Variants in ME1 observed in about 807,000 individuals in gnomAD.
The protein encoded by ME1 is malic enzyme 1, also known as NADP-dependent malic enzyme.
Under a neutral mutation model 66.4 loss-of-function variants are expected in ME1, and 74 were observed. The ratio of observed to expected loss-of-function variants is 1.11; its 90% CI spans 0.92 to 1.35. The LOEUF is 1.35. ME1 is among the 40% of genes most tolerant of loss of function. ME1 has a pLI of 0.00. For synonymous variants in ME1, 251 were observed against 235.6 expected, an observed-to-expected ratio of 1.07 and a Z score of -0.60; for missense variants, 750 against 694.1, an observed-to-expected ratio of 1.08 and a Z score of -0.90.
intron 11 of ME1, among the ~76,000 whole-genome samples, chr6:83,225,692 C>A (rs943229039): frequency 3.3e-5 from 5 of 151,702 alleles, no homozygotes; most frequent in Non-Finnish European, 7.4e-5. Context: ...AGTCTGATAC[C>A]TTAAGCTCTT....
At chr6:83,404,464 G>A (rs9449618) in intron 2 of ME1, among the ~76,000 whole-genome samples, 139 of 152,196 alleles carry the variant, frequency 9.1e-4, no homozygotes, top group African/African-American at 3.2e-3. Flanking sequence ...TGTTCACTCC[G>A]ATGATAGTTT....
At chr6:83,411,575 T>A (rs6935296) in intron 1 of ME1, among the ~76,000 whole-genome samples, 48,223 of 152,060 alleles carry the variant, frequency 0.32, 8,014 homozygotes, top group Middle Eastern at 0.49. Flanking sequence ...TAGAAATTTA[T>A]AAACAGGTCA....
At chr6:83,343,993 A>T (rs1768638483) in intron 5 of ME1, among the ~76,000 whole-genome samples, 1 of 151,982 alleles carries the variant, frequency 6.6e-6, no homozygotes, top group Admixed American at 6.6e-5. Context: ...AATCTCAATA[A>T]ATGGCCAAGG....
At chr6:83,228,740 T>C in intron 10 of ME1, 86 bp downstream of exon 10, 1 of 904,284 alleles carries the variant, frequency 1.1e-6, no homozygotes, top group Admixed American at 2.4e-5. Flanking sequence ...TCAAAAAGGC[T>C]AAATTATACC....
At chr6:83,423,890 C>A (rs1183125959) in intron 1 of ME1, among the ~76,000 whole-genome samples, 1 of 152,128 alleles carries the variant, frequency 6.6e-6, no homozygotes, top group Non-Finnish European at 1.5e-5. Context: ...GGGAGGATTT[C>A]TTGAGCCCAG....
chr6:83,379,574 A>G (rs1259980295), intron 3 of ME1, among the ~76,000 whole-genome samples: 1 of 152,074 alleles, frequency 6.6e-6, no homozygotes, highest in Non-Finnish European at 1.5e-5. Context: ...GTGTCTTAGA[A>G]ATATCTTCAT....
intron 6 of ME1, among the ~76,000 whole-genome samples, chr6:83,305,665 G>C (rs1450759219): frequency 6.6e-6 from 1 of 152,096 alleles, no homozygotes; most frequent in Non-Finnish European, 1.5e-5. Flanking sequence ...ATCAGGGCTT[G>C]AGGGCCATTA....
At chr6:83,289,391 G>A (rs1767457184) in intron 6 of ME1, among the ~76,000 whole-genome samples, 1 of 152,162 alleles carries the variant, frequency 6.6e-6, no homozygotes, top group Non-Finnish European at 1.5e-5. Flanking sequence ...GGCCTTTTCT[G>A]CATCTATTGA....
chr6:83,332,113 A>G (rs1193744346), intron 5 of ME1, among the ~76,000 whole-genome samples: 1 of 152,186 alleles, frequency 6.6e-6, no homozygotes. Context: ...ATGGACTGTG[A>G]AATAACAGAG....
At position 83,342,188 on chromosome 6, in the gene ME1, G is replaced by A. The variant is rs867989503; in HGVS notation, c.600+3985C>T. Among the ~76,000 whole-genome samples the A allele has an allele frequency of 5.9e-5, 9 of 152,286 alleles. No individual in the cohort carries two copies. In the South Asian group the frequency reaches 8.3e-4, roughly 14 times the overall value. On this transcript the variant is annotated intron_variant, in intron 5 of 13. Coordinates refer to ENST00000369705, the MANE Select transcript of ME1 (RefSeq NM_002395.6). ...AATTGGCCAATGGGAAACCTCTAGC[G>A]GGTATTTGGACCTTAGAAGATTCTG...
chr6:83,247,244 T>G (rs946604789), intron 7 of ME1, among the ~76,000 whole-genome samples: 7 of 152,132 alleles, frequency 4.6e-5, no homozygotes, highest in African/African-American at 2.4e-5. Context: ...TAGCTTATTT[T>G]AAATGACTAG....
intron 2 of ME1, among the ~76,000 whole-genome samples, chr6:83,403,613 G>A (rs1413711877): frequency 6.6e-6 from 1 of 151,988 alleles, no homozygotes; most frequent in African/African-American, 2.4e-5. Context: ...TTTAAGCCCT[G>A]CATGCATTAG....
chr6:83,370,539 A>G (rs991979475), intron 3 of ME1, among the ~76,000 whole-genome samples: 3 of 152,190 alleles, frequency 2.0e-5, no homozygotes, highest in African/African-American at 7.2e-5. Flanking sequence ...AAGCAACTGC[A>G]TAAGTACCAA....
At chr6:83,300,772 C>T (rs921146781) in intron 6 of ME1, among the ~76,000 whole-genome samples, 1 of 151,986 alleles carries the variant, frequency 6.6e-6, no homozygotes, top group African/African-American at 2.4e-5. Flanking sequence ...GCACTATTCA[C>T]AATAGCAAAG....
intron 10 of ME1, among the ~76,000 whole-genome samples, chr6:83,227,839 T>G (rs535038793): frequency 5.6e-4 from 86 of 152,330 alleles, no homozygotes; most frequent in African/African-American, 2.0e-3. Context: ...ACAAAGCAAT[T>G]AAGTTTTATA....
chr6:83,414,808 T>C (rs752342420), intron 1 of ME1, among the ~76,000 whole-genome samples: 14 of 152,220 alleles, frequency 9.2e-5, no homozygotes, highest in Non-Finnish European at 1.8e-4. Flanking sequence ...ATTGAAATCA[T>C]TTGAAAAATT....
chr6:83,270,908 A>G (rs1767070931), intron 6 of ME1, among the ~76,000 whole-genome samples: 1 of 152,018 alleles, frequency 6.6e-6, no homozygotes, highest in African/African-American at 2.4e-5. Context: ...AATAAATAAC[A>G]TAAGAATGTC....
intron 6 of ME1, among the ~76,000 whole-genome samples, chr6:83,283,578 T>C (rs1767346321): frequency 6.6e-6 from 1 of 151,818 alleles, no homozygotes; most frequent in Non-Finnish European, 1.5e-5. Context: ...TCCCAGAACT[T>C]AAAATAAAAA....
At chr6:83,405,923 G>A (rs6454325) in intron 2 of ME1, among the ~76,000 whole-genome samples, 47,922 of 151,462 alleles carry the variant, frequency 0.32, 7,922 homozygotes, top group Middle Eastern at 0.48. Context: ...GGGTTTCACC[G>A]TTTTAGCCGG....
Sources: gnomAD v4.1 joint callset for allele counts (sites outside exome capture counted in the v4.1 genomes callset) on GRCh38, gnomAD v4.1.1 for gene constraint, MANE v1.5 for transcripts, NCBI Gene and HGNC (gene_info 2026-07-23, HGNC 2026-07-21) for gene names.